DDHD1: variants seen among roughly 807,000 people sequenced by gnomAD.
DDHD1 encodes phospholipase DDHD1.
Under a neutral mutation model 96.4 loss-of-function variants are expected in DDHD1, and 49 were observed. The observed-to-expected ratio is 0.51, with a 90% CI of 0.40 to 0.64. The LOEUF is 0.64. Among genes scored for constraint, DDHD1 ranks in the 30% least tolerant of loss-of-function variants. The pLI, the probability that DDHD1 is intolerant of heterozygous loss-of-function variation, is 0.00. For synonymous variants in DDHD1, 442 were observed against 446.5 expected (o/e 0.99, Z 0.13); for missense variants, 1,106 against 1,161.2 (o/e 0.95, Z 0.69).
At position 53,152,512 on chromosome 14, in the gene DDHD1, G is replaced by A. The variant is rs768218872; in HGVS notation, c.587C>T (p.Thr196Ile). The change falls in exon 1 of 13, where the codon ACC becomes ATC. Residue 196 changes from threonine (T) to isoleucine (I), a missense_variant. Thr to Ile is a moderately conservative substitution (Grantham distance 89). Transcript: ENST00000673822. ...DSLRIELAFR[T>I]LLQTTGARPQ... The stretch of plus-strand genomic sequence containing the variant: ...CCGGGCACCCGTGGTCTGCAGCAGG[G>A]TCCGGAAGGCGAGCTCGATGCGGAG... 6 of 1,613,266 alleles carry A rather than the reference G, an allele frequency of 3.7e-6. No homozygotes were observed. The South Asian group carries it at 5.5e-5, about 15-fold the overall frequency.
At chr14:53,095,217 A>C (rs1180338048) in intron 2 of DDHD1, among the ~76,000 whole-genome samples, 1 of 152,192 alleles carries the variant, frequency 6.6e-6, no homozygotes, top group East Asian at 1.9e-4. Flanking sequence ...CCTTCAAATC[A>C]CTATGCTTGA....
chr14:53,040,541 A>G lies in DDHD1; in HGVS notation c.*6227T>C, dbSNP rs1881576714. Reference sequence around the variant, plus strand: ...CTAGAGAAACACAGTATAATGCAGGAGAAAACATTTACCTCTCACTTCTTT... The same window carrying G: ...CTAGAGAAACACAGTATAATGCAGGGGAAAACATTTACCTCTCACTTCTTT... On this transcript the variant is annotated 3_prime_UTR_variant, in exon 13 of 13. Transcript: ENST00000673822. The G allele has an allele frequency of 6.6e-6, 1 of 152,198 alleles. No individual in the cohort carries two copies. Among genetic ancestry groups the G allele is most frequent in the Admixed American group, 6.5e-5 (1 of 15,268 alleles). The allele number at this position is 152,198 out of a possible 1,614,324, so 9.4% of individuals were successfully genotyped here.
intron 1 of DDHD1, among the ~76,000 whole-genome samples, chr14:53,107,363 C>A (rs1264309527): frequency 6.6e-6 from 1 of 152,142 alleles, no homozygotes; most frequent in East Asian, 1.9e-4. Context: ...ACCAAGACAG[C>A]TACTAAATGA....
intron 12 of DDHD1, among the ~76,000 whole-genome samples, chr14:53,050,974 C>A (rs1882497521): frequency 6.6e-6 from 1 of 150,578 alleles, no homozygotes; most frequent in Admixed American, 6.6e-5. Context: ...TGGGCAGAGA[C>A]CAGAGACAGC....
At position 53,040,351 on chromosome 14, in the gene DDHD1, T is replaced by C. The variant is rs1172786945; in HGVS notation, c.*6417A>G. On this transcript the variant is annotated 3_prime_UTR_variant, in exon 13 of 13. Coordinates refer to ENST00000673822, the MANE Select transcript of DDHD1 (RefSeq NM_001160148.2). Reference sequence around the variant, plus strand: ...GAATGTGGCAGCCACAGCTGATGCATAGGGAGATCTTTCAATTTTCATAAA... The same window carrying C: ...GAATGTGGCAGCCACAGCTGATGCACAGGGAGATCTTTCAATTTTCATAAA... 1 of 152,170 alleles carries C rather than the reference T, an allele frequency of 6.6e-6. No homozygotes were observed. Among genetic ancestry groups the C allele is most frequent in the Non-Finnish European group, 1.5e-5 (1 of 68,020 alleles). The allele number at this position is 152,170 out of a possible 1,614,324, so 9.4% of individuals were successfully genotyped here. A position where few individuals can be genotyped will look rare whatever the true frequency, so the allele number is the denominator to read the frequency against.
chr14:53,058,319 T>G (rs1883243845), intron 9 of DDHD1, among the ~76,000 whole-genome samples, 158 bp downstream of exon 9: 3 of 151,480 alleles, frequency 2.0e-5, no homozygotes, highest in African/African-American at 4.9e-5. Flanking sequence ...TTCACCACAT[T>G]GGTCAGGCTG....
At chr14:53,119,571 C>T (rs979326102) in intron 1 of DDHD1, among the ~76,000 whole-genome samples, 1 of 152,076 alleles carries the variant, frequency 6.6e-6, no homozygotes, top group Admixed American at 6.6e-5. Flanking sequence ...ACTGGCAAAC[C>T]GAATCCAGCA....
At position 53,038,570 on chromosome 14, in the gene DDHD1, A is replaced by G. The variant is rs1020884167; in HGVS notation, c.*8198T>C. The G allele has an allele frequency of 3.3e-5, 5 of 152,230 alleles. No individual in the cohort carries two copies. Among genetic ancestry groups the G allele is most frequent in the Admixed American group, 6.5e-5 (1 of 15,278 alleles). The allele number at this position is 152,230 out of a possible 1,614,324, so 9.4% of individuals were successfully genotyped here. A position where few individuals can be genotyped will look rare whatever the true frequency, so the allele number is the denominator to read the frequency against. On this transcript the variant is annotated 3_prime_UTR_variant, in exon 13 of 13. Transcript: ENST00000673822. ...ATGTTCATGGATTGGAAGAATCAAT[A>G]TAGTTTAAAAATGGCCATACTGCCC...
intron 1 of DDHD1, among the ~76,000 whole-genome samples, chr14:53,120,932 T>A (rs1051054044): frequency 3.3e-5 from 5 of 151,812 alleles, no homozygotes; most frequent in African/African-American, 9.7e-5. Context: ...CTGCAAAAAG[T>A]CAAAATTGAC....
intron 7 of DDHD1, among the ~76,000 whole-genome samples, chr14:53,062,088 T>G (rs1232455649): frequency 6.6e-6 from 1 of 152,054 alleles, no homozygotes; most frequent in Non-Finnish European, 1.5e-5. Flanking sequence ...TTTTTTTCTT[T>G]TTTTAAAGTT....
chr14:53,088,802 T>C (rs1357043359), intron 4 of DDHD1, among the ~76,000 whole-genome samples: 1 of 152,204 alleles, frequency 6.6e-6, no homozygotes, highest in Non-Finnish European at 1.5e-5. Flanking sequence ...TTCTACATAG[T>C]GTTGGAAGTT....
rs543160922 is a variant in DDHD1 at position 53,088,880 on chromosome 14, C to T, written c.1289+2905G>A. ...CAATTAGGAAAAGAGGAAGTCAAATCGTCCCTACTTGCAGATGACATGATT... is the reference window on the plus strand; with the variant it reads ...CAATTAGGAAAAGAGGAAGTCAAATTGTCCCTACTTGCAGATGACATGATT... On this transcript the variant is annotated intron_variant, in intron 4 of 12. Transcript: ENST00000673822. Among the ~76,000 whole-genome samples, 29 of 152,212 alleles carry T rather than the reference C, an allele frequency of 1.9e-4. No individual in the cohort carries two copies. In the South Asian group the frequency reaches 2.3e-3, roughly 12 times the overall value.
At chr14:53,109,330 G>C (rs1887932323) in intron 1 of DDHD1, among the ~76,000 whole-genome samples, 1 of 152,044 alleles carries the variant, frequency 6.6e-6, no homozygotes, top group Non-Finnish European at 1.5e-5. Context: ...GCCTGTCTTT[G>C]TACCTGGCAA....
intron 2 of DDHD1, among the ~76,000 whole-genome samples, chr14:53,094,616 G>T (rs1157808126): frequency 1.3e-5 from 2 of 151,912 alleles, no homozygotes; most frequent in Non-Finnish European, 2.9e-5. Context: ...GAGGCAGGAG[G>T]ATCACTGGAG....
chr14:53,053,485 G>A (rs372041279), intron 11 of DDHD1: 3 of 152,082 alleles, frequency 2.0e-5, no homozygotes, highest in African/African-American at 7.2e-5. Flanking sequence ...CTGGAGTGGA[G>A]TTGACTGTGG....
intron 6 of DDHD1, among the ~76,000 whole-genome samples, chr14:53,064,861 G>A (rs2065345): frequency 0.25 from 37,230 of 151,934 alleles, 5,039 homozygotes; most frequent in Middle Eastern, 0.37. Context: ...TATCTCATCC[G>A]CTCATCAGTG....
chr14:53,148,136 C>T (rs1004367187), intron 1 of DDHD1, among the ~76,000 whole-genome samples: 1 of 151,964 alleles, frequency 6.6e-6, no homozygotes, highest in Non-Finnish European at 1.5e-5. Context: ...TATAAGTATA[C>T]CAGAAGGTGG....
Position 53,061,170 on chromosome 14 carries a change from A to G in DDHD1, c.1798T>C (p.Leu600=). ...LKEIEERLHG[L]KASSMTQTPA... is the part of the protein sequence containing the mutation. Reference sequence around the variant, plus strand: ...GTTTGTGTCATAGATGATGCTTTCAATCCGTGAAGCCGTTCTTCTATTTCC... The same window carrying G: ...GTTTGTGTCATAGATGATGCTTTCAGTCCGTGAAGCCGTTCTTCTATTTCC... Residue 600 remains leucine, a synonymous_variant, in exon 8 of 13, where the codon TTG becomes CTG. Coordinates refer to ENST00000673822, the MANE Select transcript of DDHD1 (RefSeq NM_001160148.2). The G allele has an allele frequency of 6.2e-7, 1 of 1,611,926 alleles. No individual in the cohort carries two copies. The highest frequency in any genetic ancestry group is 8.5e-7 in the Non-Finnish European group (1 of 1,179,380).
chr14:53,129,047 T>C (rs760748682), intron 1 of DDHD1, among the ~76,000 whole-genome samples: 3 of 152,236 alleles, frequency 2.0e-5, no homozygotes, highest in Admixed American at 6.5e-5. Context: ...TAAGAACTAA[T>C]GATAATCCCA....
Sources: allele counts gnomAD v4.1 joint callset (sites outside exome capture counted in the v4.1 genomes callset), GRCh38; gene constraint gnomAD v4.1.1; transcripts MANE v1.5; gene names NCBI Gene and HGNC (gene_info 2026-07-23, HGNC 2026-07-21).